NHS: variants seen among roughly 807,000 people sequenced by gnomAD.
The protein encoded by NHS is NHS actin remodeling regulator.
Under a neutral mutation model 72.5 loss-of-function variants are expected in NHS, and 5 were observed. That is an observed-to-expected ratio of 0.07 (90% CI 0.04 to 0.14). The LOEUF (loss-of-function observed/expected upper bound fraction) is 0.14, where lower values mean the gene tolerates loss of function less well. NHS is among the 10% of genes least tolerant of loss of function. NHS has a pLI of 1.00. For missense variants in NHS, 1,072 were observed against 1,355.7 expected (o/e 0.79, Z 3.29); for synonymous variants, 464 against 547.7 (o/e 0.85, Z 2.13).
intron 1 of NHS, among the ~76,000 whole-genome samples, chrX:17,542,365 C>G (rs1310944021): frequency 8.8e-6 from 1 of 113,441 alleles, no homozygotes; most frequent in Non-Finnish European, 1.9e-5. Flanking sequence ...GGCATCACTG[C>G]CTGGCACTGG....
intron 1 of NHS, among the ~76,000 whole-genome samples, chrX:17,537,205 G>A (rs1462980306): frequency 8.9e-6 from 1 of 112,156 alleles, no homozygotes; most frequent in Non-Finnish European, 1.9e-5. Context: ...TGTTTTGCCT[G>A]TTCTGTTAGG....
chrX:17,536,242 C>T (rs1275541740), intron 1 of NHS, among the ~76,000 whole-genome samples: 2 of 112,136 alleles, frequency 1.8e-5, no homozygotes, highest in African/African-American at 6.5e-5. Context: ...GTAGTCCCAG[C>T]TACTCAGGAG....
chrX:17,649,867 T>C (rs2065922609), intron 1 of NHS, among the ~76,000 whole-genome samples: 1 of 112,056 alleles, frequency 8.9e-6, no homozygotes, highest in African/African-American at 3.2e-5. Context: ...CTATTTCTTC[T>C]GGAAGTCAAG....
In NHS at chrX:17,507,067, T is replaced by C. The variant is rs181064160; in HGVS notation, c.565+130745T>C. ...ACCTTTTGTAGTTGACAGATTTTTT[T>C]CCAGTCTGTATCTGGGTTGTATTAC... On this transcript the variant is annotated intron_variant, in intron 1 of 8. Coordinates refer to ENST00000676302, the MANE Select transcript of NHS (RefSeq NM_001291867.2). 1.8e-3 allele frequency among the ~76,000 whole-genome samples: 208 copies of C among 112,712 alleles called. 1 individual carries two copies. Among genetic ancestry groups the C allele is most frequent in the Middle Eastern group, 0.014 (3 of 217 alleles).
intron 1 of NHS, among the ~76,000 whole-genome samples, chrX:17,567,547 G>A (rs954919878): frequency 1.8e-5 from 2 of 111,553 alleles, no homozygotes; most frequent in African/African-American, 6.5e-5. Flanking sequence ...GTCGACCCCT[G>A]TCTAGGAGGA....
chrX:17,376,457 A>C, intron 1 of NHS, 135 bp downstream of exon 1: 1 of 578,361 alleles, frequency 1.7e-6, no homozygotes. Flanking sequence ...TCGCCTTCCC[A>C]CCCTTCCCAT....
In NHS at chrX:17,703,191, G is replaced by A. The variant is rs181029420; in HGVS notation, c.852+10723G>A. ...CGCACACCTGTAGTCCCAGCTACTCGGGAGGCTGAGGTGGAAGGATCACTT... is the reference window on the plus strand; with the variant it reads ...CGCACACCTGTAGTCCCAGCTACTCAGGAGGCTGAGGTGGAAGGATCACTT... On this transcript the variant is annotated intron_variant, in intron 3 of 8. Coordinates refer to ENST00000676302, the MANE Select transcript of NHS (RefSeq NM_001291867.2). Among the ~76,000 whole-genome samples, 78 of 111,451 alleles carry A rather than the reference G, an allele frequency of 7.0e-4. No homozygotes were observed. In the East Asian group the frequency reaches 0.02, roughly 28 times the overall value.
intron 2 of NHS, among the ~76,000 whole-genome samples, chrX:17,691,152 A>G (rs1164074963): frequency 9.0e-6 from 1 of 111,502 alleles, no homozygotes; most frequent in Non-Finnish European, 1.9e-5. Flanking sequence ...GAGGGGAGCG[A>G]TTGAATGGAA....
intron 1 of NHS, among the ~76,000 whole-genome samples, chrX:17,388,081 T>TTTGTTG (rs777953478): frequency 1.8e-5 from 2 of 111,829 alleles, no homozygotes; most frequent in African/African-American, 6.5e-5. Context: ...TTAAGGTTCT[T>TTTGTTG]TTGTTGTTGT....
At chrX:17,643,405 T>A (rs944594895) in intron 1 of NHS, among the ~76,000 whole-genome samples, 1 of 111,206 alleles carries the variant, frequency 9.0e-6, no homozygotes, top group Non-Finnish European at 1.9e-5. Flanking sequence ...TTGGGGAAAG[T>A]GGGAGCTCTC....
chrX:17,416,819 T>TGTGTGTGTGTGTGTGAGA (rs1445369548), intron 1 of NHS, among the ~76,000 whole-genome samples: 122 of 98,176 alleles, frequency 1.2e-3, no homozygotes, highest in African/African-American at 4.5e-3. Context: ...TGTGTGTGTG[T>TGTGTGTGTGTGTGTGAGA]GAGAGAGAGA....
intron 1 of NHS, among the ~76,000 whole-genome samples, chrX:17,572,342 T>G (rs748526857): frequency 5.1e-4 from 56 of 110,068 alleles, no homozygotes; most frequent in African/African-American, 1.7e-3. Flanking sequence ...TTATGAATCT[T>G]GGTGCTCCTG....
intron 1 of NHS, among the ~76,000 whole-genome samples, chrX:17,548,831 C>T (rs1218445787): frequency 9.0e-6 from 1 of 111,318 alleles, no homozygotes; most frequent in Admixed American, 9.5e-5. Flanking sequence ...AGAGGGCTGA[C>T]AACAGGCCCC....
chrX:17,455,544 G>C (rs2064822463), intron 1 of NHS, among the ~76,000 whole-genome samples: 1 of 112,052 alleles, frequency 8.9e-6, no homozygotes, highest in Non-Finnish European at 1.9e-5. Context: ...GACACAGCTG[G>C]TCAAGTGGTA....
At chrX:17,547,619 G>A (rs191682163) in intron 1 of NHS, among the ~76,000 whole-genome samples, 36 of 112,770 alleles carry the variant, frequency 3.2e-4, no homozygotes, top group African/African-American at 7.1e-4. Flanking sequence ...ATAACCAAAT[G>A]TGATTTAATG....
At chrX:17,662,004 C>T (rs1018122325) in intron 1 of NHS, among the ~76,000 whole-genome samples, 2 of 112,214 alleles carry the variant, frequency 1.8e-5, no homozygotes, top group African/African-American at 6.5e-5. Flanking sequence ...CCCAACTTCT[C>T]GCTCTGCCCA....
At chrX:17,677,358 C>T (rs1036924018) in intron 1 of NHS, among the ~76,000 whole-genome samples, 8 of 111,704 alleles carry the variant, frequency 7.2e-5, no homozygotes, top group Non-Finnish European at 1.3e-4. Flanking sequence ...TTAAACAGTA[C>T]AATTTCTAGC....
intron 1 of NHS, among the ~76,000 whole-genome samples, chrX:17,511,389 T>A (rs901780731): frequency 2.7e-5 from 3 of 111,840 alleles, no homozygotes; most frequent in Non-Finnish European, 5.6e-5. Context: ...GAACTTCTCC[T>A]GAGGCCAGTC....
At chrX:17,417,888 C>A (rs2041461946) in intron 1 of NHS, among the ~76,000 whole-genome samples, 1 of 111,669 alleles carries the variant, frequency 9.0e-6, no homozygotes, top group Admixed American at 9.5e-5. Context: ...AATGTTGTAC[C>A]TTTGGTTAAT....
Sources: allele counts gnomAD v4.1 joint callset (sites outside exome capture counted in the v4.1 genomes callset), GRCh38; gene constraint gnomAD v4.1.1; transcripts MANE v1.5; gene names NCBI Gene and HGNC (gene_info 2026-07-23, HGNC 2026-07-21).